Variants in TMEM178B observed in about 807,000 individuals in gnomAD.
TMEM178B encodes transmembrane protein 178B.
In TMEM178B, 5 loss-of-function variants were observed where a neutral mutation model predicts 31.0. The observed-to-expected ratio is 0.16, with a 90% CI of 0.08 to 0.34. The LOEUF is 0.34. Among genes scored for constraint, TMEM178B ranks in the 10% least tolerant of loss-of-function variants. TMEM178B has a pLI of 1.00. For missense variants in TMEM178B, 275 were observed against 400.3 expected (o/e 0.69, Z 2.67); for synonymous variants, 164 against 164.0 (o/e 1.00, Z 0.00).
intron 2 of TMEM178B, among the ~76,000 whole-genome samples, chr7:141,382,536 A>G (rs1800337165): frequency 6.6e-6 from 1 of 152,162 alleles, no homozygotes; most frequent in Admixed American, 6.5e-5. Flanking sequence ...ATATAAGTGA[A>G]CTTGTCATTT....
chr7:141,121,748 T>A (rs938516073), intron 1 of TMEM178B, among the ~76,000 whole-genome samples: 2 of 152,230 alleles, frequency 1.3e-5, no homozygotes, highest in African/African-American at 2.4e-5. Context: ...TGTTTCTTTT[T>A]ATGAGACCTG....
At chr7:141,464,406 C>G (rs1334952893) in intron 3 of TMEM178B, among the ~76,000 whole-genome samples, 1 of 152,138 alleles carries the variant, frequency 6.6e-6, no homozygotes, top group Non-Finnish European at 1.5e-5. Flanking sequence ...TTTTACAGAT[C>G]GGGGACCCAC....
At chr7:141,161,012 C>CA (rs1164066191) in intron 1 of TMEM178B, among the ~76,000 whole-genome samples, 1 of 152,026 alleles carries the variant, frequency 6.6e-6, no homozygotes, top group Non-Finnish European at 1.5e-5. Context: ...CATGCACCAC[C>CA]ATGCCTGGCT....
Position 141,251,327 on chromosome 7 carries a change from G to A in TMEM178B, c.496+38623G>A, listed in dbSNP as rs138633862. Reference sequence around the variant, plus strand: ...AAAGAATGACAGCTAGAGTGGCCTGGGCAGTGCATTACAGACAGATATGCA... The same window carrying A: ...AAAGAATGACAGCTAGAGTGGCCTGAGCAGTGCATTACAGACAGATATGCA... On this transcript the variant is annotated intron_variant, in intron 2 of 3. Coordinates refer to ENST00000565468, the MANE Select transcript of TMEM178B (RefSeq NM_001195278.2). 3.7e-3 allele frequency among the ~76,000 whole-genome samples: 568 copies of A among 152,028 alleles called. 1 individual carries two copies. Among genetic ancestry groups the A allele is most frequent in the African/African-American group, 0.013 (525 of 41,468 alleles).
chr7:141,432,117 T>C (rs1297401245), intron 2 of TMEM178B, among the ~76,000 whole-genome samples: 1 of 150,088 alleles, frequency 6.7e-6, no homozygotes, highest in African/African-American at 2.4e-5. Context: ...TCATCTTCCT[T>C]TTCTTTCTTT....
intron 2 of TMEM178B, among the ~76,000 whole-genome samples, chr7:141,350,443 G>A (rs1469982376): frequency 6.6e-6 from 1 of 152,114 alleles, no homozygotes; most frequent in African/African-American, 2.4e-5. Context: ...TATCATTATT[G>A]TCCGAAACGA....
intron 2 of TMEM178B, among the ~76,000 whole-genome samples, chr7:141,279,574 C>T (rs1349238762): frequency 6.6e-6 from 1 of 152,160 alleles, no homozygotes; most frequent in Non-Finnish European, 1.5e-5. Context: ...GAGCTGGCCA[C>T]CTTTGTTCTA....
chr7:141,447,187 C>T (rs1243063719), intron 3 of TMEM178B, among the ~76,000 whole-genome samples: 3 of 151,810 alleles, frequency 2.0e-5, no homozygotes, highest in Non-Finnish European at 4.4e-5. Flanking sequence ...AAATATAGTG[C>T]GATGTTAGGT....
intron 2 of TMEM178B, among the ~76,000 whole-genome samples, chr7:141,348,890 A>G (rs1799662885): frequency 6.6e-6 from 1 of 152,154 alleles, no homozygotes; most frequent in Non-Finnish European, 1.5e-5. Flanking sequence ...TCCTGTTGAG[A>G]GTGACTGGCG....
intron 2 of TMEM178B, among the ~76,000 whole-genome samples, chr7:141,336,088 G>A (rs1046646216): frequency 1.3e-5 from 2 of 152,054 alleles, no homozygotes; most frequent in African/African-American, 4.8e-5. Flanking sequence ...ACTTGCCACG[G>A]GCAGACTTGG....
chr7:141,093,672 G>A (rs1157630730), intron 1 of TMEM178B, among the ~76,000 whole-genome samples: 2 of 152,216 alleles, frequency 1.3e-5, no homozygotes, highest in African/African-American at 4.8e-5. Context: ...AGATGAGTTG[G>A]AATCTGCAAA....
At chr7:141,427,340 GC>G (rs1456933321) in intron 2 of TMEM178B, among the ~76,000 whole-genome samples, 1 of 152,136 alleles carries the variant, frequency 6.6e-6, no homozygotes, top group Admixed American at 6.5e-5. Context: ...AATCAAAACA[GC>G]ATGGTACTGG....
At chr7:141,400,533 C>T (rs1800741774) in intron 2 of TMEM178B, among the ~76,000 whole-genome samples, 1 of 152,198 alleles carries the variant, frequency 6.6e-6, no homozygotes, top group African/African-American at 2.4e-5. Context: ...GCAGGGAATA[C>T]ACCCACCCAT....
intron 2 of TMEM178B, among the ~76,000 whole-genome samples, chr7:141,368,730 A>C (rs928522486): frequency 6.6e-6 from 1 of 152,360 alleles, no homozygotes; most frequent in East Asian, 1.9e-4. Flanking sequence ...TAAAAGAGGC[A>C]TATAGGTGAG....
chr7:141,074,531 G>T lies in TMEM178B; in HGVS notation c.221G>T (p.Arg74Leu). The change falls in exon 1 of 4, where the codon CGC becomes CTC. Residue 74 changes from arginine to leucine, a missense_variant. Coordinates refer to ENST00000565468, the MANE Select transcript of TMEM178B (RefSeq NM_001195278.2). The surrounding 1 kb of genome is among the most constrained non-coding windows in gnomAD (Gnocchi z 5.1). ...PLRASRSRLD[R>L]WEGKLLRARN... ...CGGGCGAGCCGCTCGCGCCTGGACC[G>T]CTGGGAGGGCAAACTCCTCCGGGCC... 6.5e-7 allele frequency: 1 copy of T among 1,536,004 alleles called. No homozygotes were observed. Among genetic ancestry groups the T allele is most frequent in the Non-Finnish European group, 8.7e-7 (1 of 1,146,806 alleles).
intron 2 of TMEM178B, among the ~76,000 whole-genome samples, chr7:141,247,344 C>G (rs1797753639): frequency 6.6e-6 from 1 of 152,092 alleles, no homozygotes; most frequent in African/African-American, 2.4e-5. Context: ...CTCTGTCTCT[C>G]TATCTATATA....
At chr7:141,114,310 A>G (rs536117810) in intron 1 of TMEM178B, among the ~76,000 whole-genome samples, 1 of 151,830 alleles carries the variant, frequency 6.6e-6, no homozygotes, top group South Asian at 2.1e-4. Flanking sequence ...TGCACTGTAT[A>G]TCTGTATATC....
At chr7:141,075,173 A>G (rs1309434035) in intron 1 of TMEM178B, among the ~76,000 whole-genome samples, 2 of 152,156 alleles carry the variant, frequency 1.3e-5, no homozygotes, top group African/African-American at 4.8e-5. Context: ...TATACCAGAT[A>G]TGGTGTAGGC....
At chr7:141,440,564 A>T (rs1489866681) in intron 3 of TMEM178B, among the ~76,000 whole-genome samples, 5 of 151,408 alleles carry the variant, frequency 3.3e-5, no homozygotes, top group African/African-American at 1.2e-4. Context: ...TCCATACTTT[A>T]TGCTGCAAGA....
Sources: gnomAD v4.1 joint callset for allele counts (sites outside exome capture counted in the v4.1 genomes callset) on GRCh38, gnomAD v4.1.1 for gene constraint, Gnocchi (gnomAD v3.1) non-coding constraint, MANE v1.5 for transcripts, NCBI Gene and HGNC (gene_info 2026-07-23, HGNC 2026-07-21) for gene names.